GHR: variants seen among roughly 807,000 people sequenced by gnomAD.
GHR encodes GH receptor.
In GHR, 35 loss-of-function variants were observed where a neutral mutation model predicts 67.1. The ratio of observed to expected loss-of-function variants is 0.52; its 90% confidence interval spans 0.40 to 0.69. The LOEUF is 0.69. GHR is among the 30% of genes least tolerant of loss of function. GHR has a pLI of 0.00. For synonymous variants in GHR, 272 were observed against 269.1 expected (o/e 1.01, Z -0.10); for missense variants, 792 against 764.6 (o/e 1.04, Z -0.42).
In GHR at chr5:42,423,778, C is replaced by T; in HGVS notation, c.-189C>T. ...GAAGAGGAGGAGGGCTAGGGAGCGG[C>T]GGCGGCGGCGGCAGCGGCAGCAGCA... is the stretch of plus-strand genomic sequence containing the variant. On this transcript the variant is annotated 5_prime_UTR_variant, in exon 1 of 10. Coordinates refer to ENST00000230882, the MANE Select transcript of GHR (RefSeq NM_000163.5). The T allele has an allele frequency of 6.1e-6, 1 of 163,620 alleles. No individual in the cohort carries two copies. Among genetic ancestry groups the T allele is most frequent in the Non-Finnish European group, 1.3e-5 (1 of 77,034 alleles). 10.1% of individuals were successfully genotyped at this position (163,620 alleles called of 1,614,324 possible).
At chr5:42,664,519 G>T (rs1755845080) in intron 3 of GHR, among the ~76,000 whole-genome samples, 1 of 152,172 alleles carries the variant, frequency 6.6e-6, no homozygotes, top group Non-Finnish European at 1.5e-5. Context: ...AATAAATGGT[G>T]CTGGGAAAAC....
At chr5:42,626,763 G>A (rs1167607167) in intron 2 of GHR, among the ~76,000 whole-genome samples, 1 of 152,130 alleles carries the variant, frequency 6.6e-6, no homozygotes, top group Non-Finnish European at 1.5e-5. Context: ...ACGGAGACAA[G>A]GTCAAATATG....
intron 3 of GHR, among the ~76,000 whole-genome samples, chr5:42,675,583 A>T (rs947326190): frequency 1.3e-5 from 2 of 152,240 alleles, no homozygotes; most frequent in Non-Finnish European, 2.9e-5. Flanking sequence ...GAGAAGGAAG[A>T]TTTGAGTGCT....
chr5:42,532,311 T>G (rs1279586384), intron 1 of GHR, among the ~76,000 whole-genome samples: 2 of 152,032 alleles, frequency 1.3e-5, no homozygotes, highest in Non-Finnish European at 2.9e-5. Context: ...TGTTTAACTC[T>G]AGGCAAAGGT....
At chr5:42,630,503 G>A (rs1753884360) in intron 3 of GHR, among the ~76,000 whole-genome samples, 1 of 131,442 alleles carries the variant, frequency 7.6e-6, no homozygotes, top group Admixed American at 7.3e-5. Flanking sequence ...TATTTCCTTG[G>A]AGGTGACCAA....
chr5:42,433,732 A>ATTTTTTTTTT (rs35539827), intron 1 of GHR, among the ~76,000 whole-genome samples: 2 of 77,582 alleles, frequency 2.6e-5, no homozygotes, highest in Non-Finnish European at 2.4e-5. Context: ...AAGATATGGT[A>ATTTTTTTTTT]TTTTTTTTTT....
At chr5:42,429,204 T>C (rs958772217) in intron 1 of GHR, among the ~76,000 whole-genome samples, 2 of 152,204 alleles carry the variant, frequency 1.3e-5, no homozygotes, top group Admixed American at 6.5e-5. Context: ...TCTTACATGG[T>C]GGCAGACAAT....
intron 1 of GHR, among the ~76,000 whole-genome samples, chr5:42,505,000 T>G (rs1248503330): frequency 6.6e-6 from 1 of 152,168 alleles, no homozygotes; most frequent in Non-Finnish European, 1.5e-5. Flanking sequence ...TTAAACAAAG[T>G]CACATGTACC....
intron 2 of GHR, among the ~76,000 whole-genome samples, chr5:42,613,706 G>A (rs1752997102): frequency 6.6e-6 from 1 of 152,114 alleles, no homozygotes; most frequent in Non-Finnish European, 1.5e-5. Context: ...GGCATGAAAT[G>A]TGAAAATGAT....
intron 3 of GHR, among the ~76,000 whole-genome samples, chr5:42,632,205 C>T (rs923421184): frequency 6.6e-6 from 1 of 152,154 alleles, no homozygotes; most frequent in East Asian, 1.9e-4. Flanking sequence ...CCCAGGCACA[C>T]TGTATTTTCC....
At position 42,468,628 on chromosome 5, in the gene GHR, G is replaced by A; in HGVS notation, c.-12+44673G>A. ...CCACGCCAACGCTGGAGGGCAGCGG[G>A]TTCTTGCTGTCTTTCTGGGACTCCT... is the stretch of plus-strand genomic sequence containing the variant. On this transcript the variant is annotated intron_variant, in intron 1 of 9. Transcript: ENST00000230882. 7 of 1,068,654 alleles carry A rather than the reference G, an allele frequency of 6.6e-6. No individual in the cohort carries two copies. In the South Asian group the frequency reaches 9.5e-5, roughly 14 times the overall value. The allele number at this position is 1,068,654 out of a possible 1,614,324, so 66.2% of individuals were successfully genotyped here.
intron 4 of GHR, among the ~76,000 whole-genome samples, chr5:42,689,509 G>A (rs990319749): frequency 6.6e-6 from 1 of 152,208 alleles, no homozygotes; most frequent in South Asian, 2.1e-4. Context: ...GTCCTAGGAG[G>A]CCTCTCTATT....
chr5:42,560,205 T>C (rs1749527376), intron 1 of GHR, among the ~76,000 whole-genome samples: 1 of 152,186 alleles, frequency 6.6e-6, no homozygotes, highest in Admixed American at 6.5e-5. Context: ...AACTGTTTTT[T>C]CTTTTTTGAG....
At chr5:42,598,442 G>A (rs1752196577) in intron 2 of GHR, among the ~76,000 whole-genome samples, 1 of 152,222 alleles carries the variant, frequency 6.6e-6, no homozygotes, top group African/African-American at 2.4e-5. Flanking sequence ...TTAGTGCACA[G>A]GCTGCTGGGT....
rs185989645 is a variant in GHR at position 42,707,140 on chromosome 5, T to C, written c.619-4067T>C. 2.0e-3 allele frequency among the ~76,000 whole-genome samples: 305 copies of C among 152,122 alleles called. 2 individuals carry two copies. Among genetic ancestry groups the C allele is most frequent in the African/African-American group, 6.9e-3 (288 of 41,544 alleles). The stretch of plus-strand genomic sequence containing the variant: ...ATTCCTAGGTTTCTGTGTGTGTGTG[T>C]GGCTATAATAGGCTATGTTAACCTG... On this transcript the variant is annotated intron_variant, in intron 6 of 9. Coordinates refer to ENST00000230882, the MANE Select transcript of GHR (RefSeq NM_000163.5).
chr5:42,685,212 TGTTA>T (rs1757080551), intron 3 of GHR, among the ~76,000 whole-genome samples: 1 of 152,142 alleles, frequency 6.6e-6, no homozygotes. Flanking sequence ...TCTGTTCTTG[TGTTA>T]GTTTGCTGAG....
intron 1 of GHR, among the ~76,000 whole-genome samples, chr5:42,475,684 G>T (rs2112124147): frequency 6.6e-6 from 1 of 152,006 alleles, no homozygotes; most frequent in Admixed American, 6.6e-5. Context: ...AATGGAATGA[G>T]TAACAATTTG....
intron 1 of GHR, among the ~76,000 whole-genome samples, chr5:42,518,165 T>A (rs1422774975): frequency 6.7e-6 from 1 of 148,906 alleles, no homozygotes; most frequent in Non-Finnish European, 1.5e-5. Context: ...TAATATAGTA[T>A]ATATTCATAA....
At chr5:42,607,432 A>C (rs184680390) in intron 2 of GHR, among the ~76,000 whole-genome samples, 1 of 152,224 alleles carries the variant, frequency 6.6e-6, no homozygotes, top group East Asian at 1.9e-4. Flanking sequence ...GTGTGAATTA[A>C]CCAATTTCTT....
Sources: allele counts gnomAD v4.1 joint callset (sites outside exome capture counted in the v4.1 genomes callset), GRCh38; gene constraint gnomAD v4.1.1; transcripts MANE v1.5; gene names NCBI Gene and HGNC (gene_info 2026-07-23, HGNC 2026-07-21).